Variants in MN1 observed in about 807,000 individuals in gnomAD.
The protein encoded by MN1 is MN1 proto-oncogene, transcriptional regulator, also known as transcriptional activator MN1.
In MN1, 19 loss-of-function variants were observed where a neutral mutation model predicts 86.9. The observed-to-expected ratio is 0.22, with a 90% confidence interval of 0.15 to 0.32. MN1 has a LOEUF of 0.32. MN1 is among the 10% of genes least tolerant of loss of function. The probability of loss-of-function intolerance (pLI) is 1.00; values close to 1 mark genes in which losing one functional copy is unlikely to be tolerated. For synonymous variants in MN1, 928 were observed against 849.6 expected (o/e 1.09, Z -1.60); for missense variants, 1,841 against 1,862.0 (o/e 0.99, Z 0.21).
At chr22:27,773,051 C>A (rs1280891619) in intron 1 of MN1, among the ~76,000 whole-genome samples, 1 of 151,938 alleles carries the variant, frequency 6.6e-6, no homozygotes, top group Non-Finnish European at 1.5e-5. Flanking sequence ...CCAAGAAGCA[C>A]AAACAAGGCC....
chr22:27,788,525 C>A (rs1933167820), intron 1 of MN1, among the ~76,000 whole-genome samples: 1 of 152,122 alleles, frequency 6.6e-6, no homozygotes, highest in Admixed American at 6.5e-5. Flanking sequence ...TATTTTACTC[C>A]TGGTGGTCGC....
At position 27,801,607 on chromosome 22, in the gene MN1, CGGAATGGGG is replaced by C. The variant is rs1393176100; in HGVS notation, c.-1073_-1065del. 1 of 33,266 alleles carries C rather than the reference CGGAATGGGG, an allele frequency of 3.0e-5. No homozygotes were observed. The highest frequency in any genetic ancestry group is 8.6e-4 in the East Asian group (1 of 1,168). The allele number at this position is 33,266 out of a possible 1,614,324, so 2.1% of individuals were successfully genotyped here. A position where few individuals can be genotyped will look rare whatever the true frequency, so the allele number is the denominator to read the frequency against. ...GCGTTCCCGCTGCGCTCTCAGAGCC[CGGAATGGGG>C]GGAGGGGGGCGCGGGGGCAGCTCTG... On this transcript the variant is annotated 5_prime_UTR_variant, in exon 1 of 2. Coordinates refer to ENST00000302326, the MANE Select transcript of MN1 (RefSeq NM_002430.3).
At position 27,799,056 on chromosome 22, in the gene MN1, G is replaced by T. The variant is rs1211632235; in HGVS notation, c.1488C>A (p.Gly496=). The change falls in exon 1 of 2, where the codon GGC becomes GGA. Residue 496 remains glycine (G), a synonymous_variant. Coordinates refer to ENST00000302326, the MANE Select transcript of MN1 (RefSeq NM_002430.3). ...TGTCGGGCACAGGCGGTGTGAACTC[G>T]CCGGGTAGGCCTGGGTAGGCGGAAG... is the stretch of plus-strand genomic sequence containing the variant. ...LSPSAYPGLP[G]EFTPPVPDSF... is the part of the protein sequence containing the mutation. 1.2e-6 allele frequency: 2 copies of T among 1,610,774 alleles called. No individual in the cohort carries two copies. The highest frequency in any genetic ancestry group is 1.7e-5 in the Admixed American group (1 of 59,898).
chr22:27,799,380 C>A lies in MN1; in HGVS notation c.1164G>T (p.Thr388=). ...CTCCGTCCTGCAGGCCGCCGCTGGGCGTGCCCGCCTCGCCCTGCTGGGGCC... is the reference window on the plus strand; with the variant it reads ...CTCCGTCCTGCAGGCCGCCGCTGGGAGTGCCCGCCTCGCCCTGCTGGGGCC... ...LPRPQQGEAG[T]PSGGLQDGGP... is the part of the protein sequence containing the mutation. The change falls in exon 1 of 2, where the codon ACG becomes ACT. Residue 388 remains threonine, a synonymous_variant. Transcript: ENST00000302326. 6.5e-7 allele frequency: 1 copy of A among 1,538,920 alleles called. No homozygotes were observed. The highest frequency in any genetic ancestry group is 1.2e-5 in the South Asian group (1 of 81,456).
At chr22:27,782,214 G>A (rs567321174) in intron 1 of MN1, among the ~76,000 whole-genome samples, 62 of 152,250 alleles carry the variant, frequency 4.1e-4, no homozygotes, top group African/African-American at 1.4e-3. Context: ...TGAATGCCCC[G>A]AACAAGGAGA....
Position 27,798,590 on chromosome 22 carries a change from G to T in MN1, c.1954C>A (p.Leu652Met). ...TCGTGCGGGCCACAGTCAGCGGGCA[G>T]ACCCGAGCCGCCCATCCTACGGGGC... Reference protein sequence around the residue: ...LLPRRMGGSGLPADCGPHDPS... With the variant: ...LLPRRMGGSGMPADCGPHDPS... The change falls in exon 1 of 2, where the codon CTG becomes ATG. Residue 652 changes from leucine (L) to methionine (M), a missense_variant. By Grantham distance (15) the Leu-to-Met change is conservative (BLOSUM62 2). Transcript: ENST00000302326. 1 of 1,551,136 alleles carries T rather than the reference G, an allele frequency of 6.4e-7. No homozygotes were observed. The highest frequency in any genetic ancestry group is 1.9e-5 in the Admixed American group (1 of 53,184).
chr22:27,762,553 C>A (rs1181240843), intron 1 of MN1, among the ~76,000 whole-genome samples: 1 of 152,060 alleles, frequency 6.6e-6, no homozygotes, highest in Non-Finnish European at 1.5e-5. Context: ...GTCTCTCCAG[C>A]CCTGTCTCCA....
intron 1 of MN1, among the ~76,000 whole-genome samples, chr22:27,759,966 C>G (rs1329833855): frequency 6.6e-6 from 1 of 150,964 alleles, no homozygotes; most frequent in African/African-American, 2.4e-5. Context: ...ATGTGTAATC[C>G]CAGCAATTTG....
chr22:27,784,732 A>G (rs1369875509), intron 1 of MN1, among the ~76,000 whole-genome samples: 1 of 152,186 alleles, frequency 6.6e-6, no homozygotes, highest in Admixed American at 6.5e-5. Context: ...CCCTGCTACC[A>G]TTAGTACTGG....
intron 1 of MN1, among the ~76,000 whole-genome samples, chr22:27,778,976 T>A (rs1933014854): frequency 2.0e-5 from 3 of 152,134 alleles, no homozygotes; most frequent in South Asian, 4.1e-4. Flanking sequence ...GGAATTCCCA[T>A]ACAGGGGCAT....
chr22:27,759,235 G>C (rs2267112), intron 1 of MN1, among the ~76,000 whole-genome samples: 5 of 152,032 alleles, frequency 3.3e-5, no homozygotes, highest in African/African-American at 9.7e-5. Context: ...ACTAGAACCC[G>C]TCTGCGGGGC....
chr22:27,764,544 C>T (rs1034464101), intron 1 of MN1, among the ~76,000 whole-genome samples: 1 of 152,194 alleles, frequency 6.6e-6, no homozygotes, highest in Non-Finnish European at 1.5e-5. Flanking sequence ...CATTACATCA[C>T]CAAGTCCTCT....
At chr22:27,762,932 C>CA (rs946738428) in intron 1 of MN1, among the ~76,000 whole-genome samples, 3 of 151,916 alleles carry the variant, frequency 2.0e-5, no homozygotes, top group African/African-American at 7.3e-5. Context: ...GACGCTGTCT[C>CA]AAAAAATAAA....
At chr22:27,778,170 C>A (rs1229130418) in intron 1 of MN1, among the ~76,000 whole-genome samples, 4 of 152,140 alleles carry the variant, frequency 2.6e-5, no homozygotes, top group Non-Finnish European at 2.9e-5. Flanking sequence ...ATTTTTCCAG[C>A]CCTACACAAA....
chr22:27,780,895 C>G (rs1412647704), intron 1 of MN1, among the ~76,000 whole-genome samples: 1 of 150,638 alleles, frequency 6.6e-6, no homozygotes, highest in East Asian at 1.9e-4. Context: ...TATGCCAGCC[C>G]TCTTGAATAT....
Position 27,797,637 on chromosome 22 carries a change from C to T in MN1, c.2907G>A (p.Gly969=), listed in dbSNP as rs375441698. 7 of 1,595,442 alleles carry T rather than the reference C, an allele frequency of 4.4e-6. No homozygotes were observed. The highest frequency in any genetic ancestry group is 4.5e-5 in the East Asian group (2 of 44,210). Residue 969 remains glycine, a synonymous_variant, in exon 1 of 2, where the codon GGG becomes GGA. Coordinates refer to ENST00000302326, the MANE Select transcript of MN1 (RefSeq NM_002430.3). ...GCCCTGGGCTCACCCCAGGTGCGCC[C>T]CCGCTGTCCGGAGCCGCCGAGTACT... is the stretch of plus-strand genomic sequence containing the variant. ...FDKYSAAPDS[G]GAPGVSPGQQ...
At chr22:27,776,794 G>A (rs768141359) in intron 1 of MN1, among the ~76,000 whole-genome samples, 1 of 152,154 alleles carries the variant, frequency 6.6e-6, no homozygotes, top group African/African-American at 2.4e-5. Flanking sequence ...CTGCAGGCCT[G>A]GTCATCTGGG....
At position 27,799,020 on chromosome 22, in the gene MN1, C is replaced by T; in HGVS notation, c.1524G>A (p.Ser508=). The change falls in exon 1 of 2, where the codon TCG becomes TCA. Residue 508 remains serine, a synonymous_variant. Coordinates refer to ENST00000302326, the MANE Select transcript of MN1 (RefSeq NM_002430.3). ...GGGCCGGATGCTGCAGGGGCGGCCC[C>T]GAAGGGAAGCTGTCGGGCACAGGCG... ...FTPPVPDSFP[S]GPPLQHPAPD... The T allele has an allele frequency of 6.2e-7, 1 of 1,611,474 alleles. No individual in the cohort carries two copies. The highest frequency in any genetic ancestry group is 1.1e-5 in the South Asian group (1 of 90,830).
intron 1 of MN1, among the ~76,000 whole-genome samples, chr22:27,768,303 C>T (rs1932885872): frequency 6.6e-6 from 1 of 152,168 alleles, no homozygotes; most frequent in Non-Finnish European, 1.5e-5. Context: ...CCAGGTCTCA[C>T]CCACTTACAG....
Sources: gnomAD v4.1 joint callset for allele counts (sites outside exome capture counted in the v4.1 genomes callset) on GRCh38, gnomAD v4.1.1 for gene constraint, MANE v1.5 for transcripts, NCBI Gene and HGNC (gene_info 2026-07-23, HGNC 2026-07-21) for gene names.